The following SOBP variants were observed in gnomAD, a reference collection of about 807,000 sequenced individuals.
SOBP encodes the protein sine oculis-binding protein homolog.
A neutral mutation model predicts 53.6 loss-of-function variants in SOBP; 4 were observed. The observed-to-expected ratio is 0.07, with a 90% CI of 0.04 to 0.17. The LOEUF (loss-of-function observed/expected upper bound fraction) is 0.17, where lower values mean the gene tolerates loss of function less well. Among genes scored for constraint, SOBP ranks in the 10% least tolerant of loss-of-function variants. The probability of loss-of-function intolerance (pLI) is 1.00; values close to 1 mark genes in which losing one functional copy is unlikely to be tolerated. For missense variants in SOBP, 1,088 were observed against 1,204.7 expected (o/e 0.90, Z 1.43); for synonymous variants, 584 against 522.6 (o/e 1.12, Z -1.60).
At chr6:107,492,199 G>A (rs1468710202) in intron 1 of SOBP, among the ~76,000 whole-genome samples, 2 of 151,914 alleles carry the variant, frequency 1.3e-5, no homozygotes, top group Non-Finnish European at 2.9e-5. Flanking sequence ...ACCGGTAGAA[G>A]TTGTTGTTTT....
At chr6:107,638,499 A>G (rs1266244722) in intron 6 of SOBP, among the ~76,000 whole-genome samples, 2 of 152,074 alleles carry the variant, frequency 1.3e-5, no homozygotes, top group African/African-American at 2.4e-5. Context: ...GTGTGAGCCA[A>G]CGTGCCCAGG....
intron 4 of SOBP, among the ~76,000 whole-genome samples, chr6:107,580,337 G>A (rs1037534452): frequency 2.0e-5 from 3 of 152,168 alleles, no homozygotes; most frequent in Admixed American, 6.5e-5. Flanking sequence ...GAAATAACTC[G>A]TATTTAAGGG....
intron 3 of SOBP, among the ~76,000 whole-genome samples, chr6:107,522,537 C>CTTTTTTTTT (rs71551313): frequency 4.0e-5 from 3 of 74,092 alleles, no homozygotes; most frequent in East Asian, 3.4e-4. Flanking sequence ...AGTATAAAAA[C>CTTTTTTTTT]TTTTTTTTTT....
At chr6:107,573,146 T>G (rs1332275827) in intron 4 of SOBP, among the ~76,000 whole-genome samples, 3 of 152,178 alleles carry the variant, frequency 2.0e-5, no homozygotes, top group Admixed American at 6.5e-5. Flanking sequence ...AAGTACTGAT[T>G]GTGTCCAGAT....
chr6:107,552,734 C>T (rs1784494349), intron 4 of SOBP, among the ~76,000 whole-genome samples: 1 of 152,044 alleles, frequency 6.6e-6, no homozygotes, highest in African/African-American at 2.4e-5. Flanking sequence ...TCTTGGCTAC[C>T]AAGTAGAAAG....
At chr6:107,587,208 T>A (rs750438399) in intron 5 of SOBP, 33 bp downstream of exon 5, 1 of 1,560,894 alleles carries the variant, frequency 6.4e-7, no homozygotes. Flanking sequence ...AAGTCTAGAA[T>A]GTTACTTTAG....
At chr6:107,609,161 T>C (rs1050621949) in intron 5 of SOBP, among the ~76,000 whole-genome samples, 1 of 152,232 alleles carries the variant, frequency 6.6e-6, no homozygotes, top group African/African-American at 2.4e-5. Context: ...ATGCCCACAC[T>C]GTGTACTTAT....
intron 3 of SOBP, among the ~76,000 whole-genome samples, chr6:107,531,005 C>T (rs1783807088): frequency 6.6e-6 from 1 of 152,180 alleles, no homozygotes; most frequent in Non-Finnish European, 1.5e-5. Flanking sequence ...TGAGAAAGAC[C>T]CCGGAGCTGC....
Position 107,624,951 on chromosome 6 carries a change from G to C in SOBP, c.670-8563G>C, listed in dbSNP as rs140141069. Among the ~76,000 whole-genome samples, 631 of 152,308 alleles carry C rather than the reference G, an allele frequency of 4.1e-3. 7 individuals are homozygous for C. Among genetic ancestry groups the C allele is most frequent in the African/African-American group, 0.014 (597 of 41,566 alleles). On this transcript the variant is annotated intron_variant, in intron 5 of 6. Transcript: ENST00000317357. ...TTGTAGGAAAGTGCAAAAAACCCTT[G>C]AGATAGTGGGGCAGTATGAGTTTTG...
chr6:107,520,871 T>G (rs984828856), intron 3 of SOBP, among the ~76,000 whole-genome samples: 10 of 152,134 alleles, frequency 6.6e-5, no homozygotes, highest in African/African-American at 2.4e-4. Context: ...GCAGTGCCCT[T>G]GGCCAAGAGG....
Position 107,500,101 on chromosome 6 carries a change from A to G in SOBP, c.97-3556A>G, listed in dbSNP as rs536210762. Among the ~76,000 whole-genome samples, 3 of 152,322 alleles carry G rather than the reference A, an allele frequency of 2.0e-5. No homozygotes were observed. The South Asian group carries it at 6.2e-4, about 32-fold the overall frequency. The stretch of plus-strand genomic sequence containing the variant: ...ATTAAATTCATGTCTCTTAGAATAT[A>G]TTATGTTTCTTCAGGCATAGTAGCT... On this transcript the variant is annotated intron_variant, in intron 1 of 6. Transcript: ENST00000317357.
intron 5 of SOBP, chr6:107,621,260 G>A (rs1263478798): frequency 8.3e-6 from 2 of 241,450 alleles, no homozygotes; most frequent in African/African-American, 2.3e-5. Flanking sequence ...GCCTGGATGA[G>A]GAGATTCAGT....
At chr6:107,539,541 A>G (rs1159429965) in intron 4 of SOBP, among the ~76,000 whole-genome samples, 5 of 152,208 alleles carry the variant, frequency 3.3e-5, no homozygotes, top group Non-Finnish European at 7.3e-5. Flanking sequence ...AACTGCCGGT[A>G]ATTATCCAAT....
intron 3 of SOBP, among the ~76,000 whole-genome samples, chr6:107,533,220 C>G (rs76500632): frequency 9.3e-6 from 1 of 107,948 alleles, no homozygotes; most frequent in African/African-American, 3.7e-5. Context: ...CCTTGTGGCT[C>G]TGCAGTCATG....
rs1782556719 is a variant in SOBP, at chr6:107,490,699, A to G, written c.83A>G (p.Asn28Ser). The G allele has an allele frequency of 1.9e-6, 3 of 1,603,894 alleles. No homozygotes were observed. Among genetic ancestry groups the G allele is most frequent in the African/African-American group, 1.3e-5 (1 of 74,676 alleles). The change falls in exon 1 of 7, where the codon AAT (asparagine) becomes AGT (serine). Residue 28 changes from asparagine to serine, a missense_variant. This residue lies in a region of SOBP where 37 missense variants were observed against 37.8 expected (regional missense o/e 0.98). Transcript: ENST00000317357. ...KPAHPVKREI[N>S]EEMKNFAENT... is the part of the protein sequence containing the mutation. The stretch of plus-strand genomic sequence containing the variant: ...GCTCACCCAGTGAAAAGGGAGATCA[A>G]TGAGGAGATGAAGGTATTTTTTGAT...
chr6:107,497,476 A>G (rs1005301675), intron 1 of SOBP, among the ~76,000 whole-genome samples: 13 of 152,330 alleles, frequency 8.5e-5, no homozygotes, highest in African/African-American at 2.6e-4. Flanking sequence ...ATACATGGAC[A>G]TGACAAAAAG....
chr6:107,646,593 A>G (rs1480241370), intron 6 of SOBP, among the ~76,000 whole-genome samples: 1 of 152,244 alleles, frequency 6.6e-6, no homozygotes, highest in African/African-American at 2.4e-5. Context: ...AGAAAGGCTC[A>G]GGGGGCTTGC....
intron 3 of SOBP, chr6:107,529,511 A>T: frequency 1.0e-6 from 1 of 985,422 alleles, no homozygotes. Context: ...ATTTCCCCTC[A>T]GTCTTGGACT....
Position 107,635,526 on chromosome 6 carries a change from T to G in SOBP, c.*3+57T>G. The G allele has an allele frequency of 1.2e-6, 2 of 1,601,404 alleles. No homozygotes were observed. Among genetic ancestry groups the G allele is most frequent in the Admixed American group, 1.7e-5 (1 of 60,012 alleles). On this transcript the variant is annotated intron_variant, in intron 6 of 6. Coordinates refer to ENST00000317357, the MANE Select transcript of SOBP (RefSeq NM_018013.4). The surrounding 1 kb of genome is among the most constrained non-coding windows in gnomAD (Gnocchi z 4.5). The stretch of plus-strand genomic sequence containing the variant: ...CAGCCAGTGCACCTCTCCTTACTTC[T>G]GACAAGGCAGAGGGGAGAGTTGTAA...
Sources: gnomAD v4.1 joint callset for allele counts (sites outside exome capture counted in the v4.1 genomes callset) on GRCh38, gnomAD v4.1.1 for gene constraint, gnomAD v4.1.1 regional missense constraint, Gnocchi (gnomAD v3.1) non-coding constraint, MANE v1.5 for transcripts, NCBI Gene and HGNC (gene_info 2026-07-23, HGNC 2026-07-21) for gene names.